Variants in GRM1 observed in about 807,000 individuals in gnomAD.
GRM1 encodes the protein metabotropic glutamate receptor 1.
GRM1 carries 33 observed loss-of-function variants against 90.9 expected under a neutral mutation model. The observed-to-expected ratio is 0.36, with a 90% CI of 0.28 to 0.49. The LOEUF is 0.49. Ranked by LOEUF, GRM1 falls within the 20% of genes least tolerant of loss-of-function variation. The pLI, the probability that GRM1 is intolerant of heterozygous loss-of-function variation, is 0.99. For synonymous variants in GRM1, 700 were observed against 613.2 expected (o/e 1.14, Z -2.09); for missense variants, 1,190 against 1,534.3 (o/e 0.78, Z 3.75).
intron 4 of GRM1, 135 bp downstream of exon 4, chr6:146,352,631 G>T: frequency 1.2e-6 from 1 of 849,946 alleles, no homozygotes; most frequent in Non-Finnish European, 2.0e-6. Flanking sequence ...AAAAAGTCCA[G>T]GGATAATATC....
At chr6:146,185,199 C>T (rs79032707) in intron 2 of GRM1, among the ~76,000 whole-genome samples, 26 of 152,240 alleles carry the variant, frequency 1.7e-4, no homozygotes, top group African/African-American at 6.0e-4. Context: ...TTGATCTGAA[C>T]ACATATGAAT....
At chr6:146,224,307 A>G (rs1175270223) in intron 2 of GRM1, among the ~76,000 whole-genome samples, 3 of 152,128 alleles carry the variant, frequency 2.0e-5, no homozygotes, top group Admixed American at 6.6e-5. Flanking sequence ...ATTTTTTTAA[A>G]TGCAGCAAAC....
intron 1 of GRM1, among the ~76,000 whole-genome samples, chr6:146,116,388 AC>A (rs1244629186): frequency 6.6e-6 from 1 of 152,224 alleles, no homozygotes; most frequent in African/African-American, 2.4e-5. Context: ...GTAAACAGTT[AC>A]AACACTGAAT....
chr6:146,344,733 AC>A (rs1363195379), intron 3 of GRM1, among the ~76,000 whole-genome samples: 2 of 152,238 alleles, frequency 1.3e-5, no homozygotes, highest in African/African-American at 4.8e-5. Flanking sequence ...TGATAAGTCT[AC>A]ATAAAGTACC....
intron 3 of GRM1, among the ~76,000 whole-genome samples, chr6:146,342,145 A>G (rs562327389): frequency 1.3e-5 from 2 of 152,206 alleles, no homozygotes; most frequent in Non-Finnish European, 2.9e-5. Flanking sequence ...TTTAGAATCT[A>G]TAATACTGAC....
intron 2 of GRM1, among the ~76,000 whole-genome samples, chr6:146,220,924 A>T (rs965189600): frequency 3.9e-5 from 6 of 152,004 alleles, no homozygotes; most frequent in Non-Finnish European, 7.4e-5. Flanking sequence ...AAGAAATAGC[A>T]TGTGCATAGG....
chr6:146,236,872 C>G (rs1028103682), intron 2 of GRM1, among the ~76,000 whole-genome samples: 1 of 152,112 alleles, frequency 6.6e-6, no homozygotes, highest in Non-Finnish European at 1.5e-5. Flanking sequence ...TGCCCCCAGT[C>G]AAGTGTGGTG....
At chr6:146,128,611 C>T (rs1776282365) in intron 1 of GRM1, among the ~76,000 whole-genome samples, 1 of 152,072 alleles carries the variant, frequency 6.6e-6, no homozygotes, top group Non-Finnish European at 1.5e-5. Context: ...TTTGTGAATT[C>T]TAAATTTGCT....
At chr6:146,363,601 A>G (rs151302843) in intron 5 of GRM1, among the ~76,000 whole-genome samples, 1 of 152,302 alleles carries the variant, frequency 6.6e-6, no homozygotes, top group East Asian at 1.9e-4. Flanking sequence ...ATGTATGTAT[A>G]CATATGTGTG....
intron 7 of GRM1, among the ~76,000 whole-genome samples, chr6:146,425,015 G>A (rs993544851): frequency 6.6e-6 from 1 of 152,060 alleles, no homozygotes; most frequent in Non-Finnish European, 1.5e-5. Flanking sequence ...AACAGTGTCT[G>A]TTTTTCTAAT....
intron 1 of GRM1, among the ~76,000 whole-genome samples, chr6:146,044,913 A>G (rs1197459673): frequency 2.0e-5 from 3 of 151,932 alleles, no homozygotes; most frequent in Non-Finnish European, 4.4e-5. Context: ...CTTATTGTTC[A>G]TACAAATCAC....
intron 3 of GRM1, among the ~76,000 whole-genome samples, chr6:146,308,921 A>G (rs1021118502): frequency 6.6e-6 from 1 of 152,160 alleles, no homozygotes; most frequent in Non-Finnish European, 1.5e-5. Context: ...TTGCATTCAC[A>G]TAAGCTATAA....
At chr6:146,166,193 C>T (rs373979261) in intron 2 of GRM1, among the ~76,000 whole-genome samples, 16 of 152,226 alleles carry the variant, frequency 1.1e-4, no homozygotes, top group East Asian at 7.7e-4. Context: ...TCAGCAGACA[C>T]ACTTAAAAAT....
In GRM1 at chr6:146,399,033, G is replaced by C; in HGVS notation, c.1994G>C (p.Gly665Ala). 2 of 1,614,018 alleles carry C rather than the reference G, an allele frequency of 1.2e-6. No individual in the cohort carries two copies. Among genetic ancestry groups the C allele is most frequent in the Non-Finnish European group, 1.7e-6 (2 of 1,179,996 alleles). ...TSCYLQRLLV[G>A]LSSAMCYSAL... Reference sequence around the variant, plus strand: ...TGCTACCTCCAGCGCCTCTTGGTTGGCCTCTCCTCTGCGATGTGCTACTCT... The same window carrying C: ...TGCTACCTCCAGCGCCTCTTGGTTGCCCTCTCCTCTGCGATGTGCTACTCT... Residue 665 changes from glycine to alanine, a missense_variant, in exon 7 of 8, where the codon GGC becomes GCC. By Grantham distance (60) the Gly-to-Ala change is moderately conservative. Around this residue, in one of 10 missense-constraint regions of GRM1, gnomAD observed 414 missense variants for 598.4 expected, o/e 0.69. Coordinates refer to ENST00000282753, the MANE Select transcript of GRM1 (RefSeq NM_001278064.2). This position sits in a 1 kb window ranked among gnomAD's most constrained non-coding sequence, Gnocchi z 5.4.
At chr6:146,227,497 A>G (rs1405122742) in intron 2 of GRM1, among the ~76,000 whole-genome samples, 2 of 152,206 alleles carry the variant, frequency 1.3e-5, no homozygotes, top group Non-Finnish European at 2.9e-5. Context: ...TAAAAATAGC[A>G]TTTATTGGAC....
At chr6:146,342,019 T>C (rs1784999347) in intron 3 of GRM1, among the ~76,000 whole-genome samples, 3 of 152,224 alleles carry the variant, frequency 2.0e-5, no homozygotes, top group South Asian at 2.1e-4. Context: ...TTGAAACTTT[T>C]TAAGTGCATG....
intron 2 of GRM1, among the ~76,000 whole-genome samples, chr6:146,263,597 CA>C (rs1277902555): frequency 6.6e-6 from 1 of 152,002 alleles, no homozygotes; most frequent in Non-Finnish European, 1.5e-5. Flanking sequence ...ATCTCGTACA[CA>C]AGCATACATT....
chr6:146,399,751 TTCTCTCTCTCTC>T lies in GRM1; in HGVS notation c.2660+64_2660+75del, dbSNP rs57974513. 9.4e-7 allele frequency: 1 copy of T among 1,062,488 alleles called. No homozygotes were observed. The highest frequency in any genetic ancestry group is 1.4e-6 in the Non-Finnish European group (1 of 722,190). The allele number at this position is 1,062,488 out of a possible 1,614,324, so 65.8% of individuals were successfully genotyped here. On this transcript the variant is annotated intron_variant, in intron 7 of 7. Transcript: ENST00000282753. The surrounding 1 kb of genome is among the most constrained non-coding windows in gnomAD (Gnocchi z 5.4). ...CTTTTCTCTTCCTTTCTCTGTCTCT[TTCTCTCTCTCTC>T]TCTCTCTCTCTTTCTCTGTCTCTCA... is the stretch of plus-strand genomic sequence containing the variant.
At chr6:146,373,189 T>G (rs1337617562) in intron 5 of GRM1, among the ~76,000 whole-genome samples, 1 of 152,192 alleles carries the variant, frequency 6.6e-6, no homozygotes, top group Non-Finnish European at 1.5e-5. Context: ...CCTCTTTTGT[T>G]AATTCCTAGG....
Sources: allele counts gnomAD v4.1 joint callset (sites outside exome capture counted in the v4.1 genomes callset), GRCh38; gene constraint gnomAD v4.1.1; regional missense constraint gnomAD v4.1.1; non-coding constraint Gnocchi (gnomAD v3.1); transcripts MANE v1.5; gene names NCBI Gene and HGNC (gene_info 2026-07-23, HGNC 2026-07-21).